The following UPF2 variants were observed in gnomAD, a reference collection of about 807,000 sequenced individuals.
The protein encoded by UPF2 is regulator of nonsense transcripts 2.
In UPF2, 17 loss-of-function variants were observed where a neutral mutation model predicts 141.4. The observed-to-expected ratio is 0.12, with a 90% CI of 0.08 to 0.18. The LOEUF (loss-of-function observed/expected upper bound fraction) is 0.18, where lower values mean the gene tolerates loss of function less well. Ranked by LOEUF, UPF2 falls within the 10% of genes least tolerant of loss-of-function variation. The pLI, the probability that UPF2 is intolerant of heterozygous loss-of-function variation, is 1.00. For missense variants in UPF2, 1,152 were observed against 1,515.9 expected (o/e 0.76, Z 3.99); for synonymous variants, 540 against 498.0 (o/e 1.08, Z -1.12).
Position 11,931,796 on chromosome 10 carries a change from A to C in UPF2, c.3547-14T>G, listed in dbSNP as rs1485282644. The C allele has an allele frequency of 1.9e-6, 3 of 1,584,740 alleles. No homozygotes were observed. The Admixed American group carries it at 6.1e-5, about 32-fold the overall frequency. On this transcript the variant is annotated splice_polypyrimidine_tract_variant and intron_variant, in intron 19 of 21. Transcript: ENST00000357604. This position sits in a 1 kb window ranked among gnomAD's most constrained non-coding sequence, Gnocchi z 5.9. ...AAGGATCTTAAACTGGGAGAAAATAACAAAGGAGTTACAAATAGTTTGAGA... is the reference window on the plus strand; with the variant it reads ...AAGGATCTTAAACTGGGAGAAAATACCAAAGGAGTTACAAATAGTTTGAGA...
chr10:12,032,729 C>G (rs1389787966), intron 2 of UPF2, among the ~76,000 whole-genome samples: 1 of 144,482 alleles, frequency 6.9e-6, no homozygotes, highest in East Asian at 2.0e-4. Flanking sequence ...CAGAGCAAGA[C>G]CCTGTCTCAA....
At chr10:11,994,541 T>C (rs1833833966) in intron 8 of UPF2, among the ~76,000 whole-genome samples, 1 of 152,230 alleles carries the variant, frequency 6.6e-6, no homozygotes, top group Non-Finnish European at 1.5e-5. Flanking sequence ...TAATGTTTTC[T>C]ACTTCTGGAT....
intron 18 of UPF2, among the ~76,000 whole-genome samples, chr10:11,938,001 C>T (rs1832875503): frequency 6.6e-6 from 1 of 151,992 alleles, no homozygotes; most frequent in Non-Finnish European, 1.5e-5. Flanking sequence ...TAAGTATGTC[C>T]ATACTAACTC....
At chr10:12,026,600 G>C (rs1791225683) in intron 3 of UPF2, 1 of 446,398 alleles carries the variant, frequency 2.2e-6, no homozygotes, top group Non-Finnish European at 4.4e-6. Flanking sequence ...GGACACTTCT[G>C]TAAAAATATA....
At chr10:11,997,611 G>T in intron 8 of UPF2, 61 bp downstream of exon 8, 1 of 1,425,930 alleles carries the variant, frequency 7.0e-7, no homozygotes, top group Admixed American at 1.8e-5. Flanking sequence ...TAAGAATTTT[G>T]ATCTTACAGC....
intron 4 of UPF2, among the ~76,000 whole-genome samples, chr10:12,013,106 C>T (rs1006956380): frequency 4.1e-5 from 6 of 146,210 alleles, no homozygotes; most frequent in Admixed American, 2.1e-4. Flanking sequence ...GCCTGAGCGA[C>T]AGAGCAAGAC....
At chr10:11,924,335 T>C (rs149206463) in intron 21 of UPF2, among the ~76,000 whole-genome samples, 1 of 152,354 alleles carries the variant, frequency 6.6e-6, no homozygotes, top group East Asian at 1.9e-4. Context: ...CCCAGCACTT[T>C]GGGAGGTCCA....
chr10:11,933,086 C>T (rs1442494845), intron 19 of UPF2, among the ~76,000 whole-genome samples: 1 of 151,962 alleles, frequency 6.6e-6, no homozygotes, highest in Non-Finnish European at 1.5e-5. Context: ...CTTTTTCTTT[C>T]TCTGCAACTA....
intron 20 of UPF2, 115 bp from the exon 21 acceptor site, chr10:11,930,100 T>C (rs912747734): frequency 4.8e-5 from 68 of 1,419,816 alleles, no homozygotes; most frequent in Non-Finnish European, 6.4e-5. Flanking sequence ...GGGAGCTGAC[T>C]AAAGAAAAAT....
At chr10:11,925,615 T>G (rs1832702603) in intron 21 of UPF2, among the ~76,000 whole-genome samples, 2 of 152,192 alleles carry the variant, frequency 1.3e-5, no homozygotes, top group Non-Finnish European at 2.9e-5. Flanking sequence ...AAGCGGCACT[T>G]AAGGAGGACA....
intron 11 of UPF2, among the ~76,000 whole-genome samples, chr10:11,960,090 G>T (rs1833215835): frequency 6.6e-6 from 1 of 152,122 alleles, no homozygotes; most frequent in South Asian, 2.1e-4. Flanking sequence ...AATTTGTTGT[G>T]GGGGATTATT....
chr10:11,994,886 G>A lies in UPF2; in HGVS notation c.1844+2786C>T, dbSNP rs574670229. 1.0e-4 allele frequency among the ~76,000 whole-genome samples: 15 copies of A among 145,422 alleles called. No homozygotes were observed. The Admixed American group carries it at 1.1e-3, about 10-fold the overall frequency. ...AGCTACTTGGGAGGCTGAGGCAGGAGAATGGCGTGAACCTGGGAGGCAGAG... is the reference window on the plus strand; with the variant it reads ...AGCTACTTGGGAGGCTGAGGCAGGAAAATGGCGTGAACCTGGGAGGCAGAG... On this transcript the variant is annotated intron_variant, in intron 8 of 21. Transcript: ENST00000357604.
At chr10:12,006,991 G>T (rs1465341792) in intron 4 of UPF2, among the ~76,000 whole-genome samples, 1 of 152,138 alleles carries the variant, frequency 6.6e-6, no homozygotes, top group Admixed American at 6.6e-5. Context: ...ACACCAACTT[G>T]GCTGGCACCT....
chr10:11,922,581 T>C (rs1026552134), intron 21 of UPF2, among the ~76,000 whole-genome samples: 8 of 152,228 alleles, frequency 5.3e-5, no homozygotes, highest in Non-Finnish European at 1.5e-5. Flanking sequence ...AAGTAAGGTA[T>C]AGTTATATCA....
chr10:11,986,015 G>A (rs1833685503), intron 8 of UPF2, among the ~76,000 whole-genome samples: 1 of 150,148 alleles, frequency 6.7e-6, no homozygotes, highest in Non-Finnish European at 1.5e-5. Context: ...CTCCCGAGTA[G>A]CTGGGACTAC....
At position 12,019,785 on chromosome 10, in the gene UPF2, G is replaced by A. The variant is rs1834286203; in HGVS notation, c.1146-5601C>T. ...GCTGCCCAGGCTGGAGTGTAGTGGTGCAATCTGAGCTCACTGCAACCTCCG... is the reference window on the plus strand; with the variant it reads ...GCTGCCCAGGCTGGAGTGTAGTGGTACAATCTGAGCTCACTGCAACCTCCG... On this transcript the variant is annotated intron_variant, in intron 3 of 21. Coordinates refer to ENST00000357604, the MANE Select transcript of UPF2 (RefSeq NM_015542.4). The surrounding 1 kb of genome is among the most constrained non-coding windows in gnomAD (Gnocchi z 4.5). 6.6e-6 allele frequency among the ~76,000 whole-genome samples: 1 copy of A among 152,088 alleles called. No individual in the cohort carries two copies. The highest frequency in any genetic ancestry group is 1.9e-4 in the East Asian group (1 of 5,194).
rs1832906384 is a variant in UPF2, at chr10:11,939,266, G to A, written c.3379-2554C>T. Among the ~76,000 whole-genome samples the A allele has an allele frequency of 6.6e-6, 1 of 152,122 alleles. No individual in the cohort carries two copies. The highest frequency in any genetic ancestry group is 6.5e-5 in the Admixed American group (1 of 15,268). ...GCACTATGCAAAGAATAGATGTAAAGCACTTGATGCAGGGCCCAACAGTCT... is the reference window on the plus strand; with the variant it reads ...GCACTATGCAAAGAATAGATGTAAAACACTTGATGCAGGGCCCAACAGTCT... On this transcript the variant is annotated intron_variant, in intron 18 of 21. Transcript: ENST00000357604. The surrounding 1 kb of genome is among the most constrained non-coding windows in gnomAD (Gnocchi z 4.8).
At chr10:12,002,010 C>T (rs2131267342) in intron 5 of UPF2, among the ~76,000 whole-genome samples, 185 bp from the exon 6 acceptor site, 1 of 152,212 alleles carries the variant, frequency 6.6e-6, no homozygotes, top group African/African-American at 2.4e-5. Flanking sequence ...ATGGCTCACC[C>T]CTGTAATCCC....
chr10:11,966,171 T>C (rs930749634), intron 10 of UPF2, among the ~76,000 whole-genome samples: 1 of 152,240 alleles, frequency 6.6e-6, no homozygotes, highest in East Asian at 1.9e-4. Context: ...CTGTTGGATA[T>C]AGTATAAATT....
Sources: allele counts gnomAD v4.1 joint callset (sites outside exome capture counted in the v4.1 genomes callset), GRCh38; gene constraint gnomAD v4.1.1; non-coding constraint Gnocchi (gnomAD v3.1); transcripts MANE v1.5; gene names NCBI Gene and HGNC (gene_info 2026-07-23, HGNC 2026-07-21).